ZEB1: variants seen among roughly 807,000 people sequenced by gnomAD.
ZEB1 encodes the protein zinc finger E-box binding homeobox 1.
ZEB1 carries 21 observed loss-of-function variants against 84.9 expected under a neutral mutation model. The observed-to-expected ratio is 0.25, with a 90% CI of 0.18 to 0.36. The LOEUF is 0.36. Ranked by LOEUF, ZEB1 falls within the 10% of genes least tolerant of loss-of-function variation. ZEB1 has a pLI of 1.00. For synonymous variants in ZEB1, 420 were observed against 471.1 expected (o/e 0.89, Z 1.41); for missense variants, 1,104 against 1,330.2 (o/e 0.83, Z 2.65).
chr10:31,459,470 G>A (rs1301610637), intron 1 of ZEB1, among the ~76,000 whole-genome samples: 1 of 151,996 alleles, frequency 6.6e-6, no homozygotes, highest in Non-Finnish European at 1.5e-5. Context: ...TCTTTATGGA[G>A]TGGATTGAGG....
chr10:31,387,166 C>T (rs967075554), intron 1 of ZEB1: 1 of 985,620 alleles, frequency 1.0e-6, no homozygotes, highest in Admixed American at 6.1e-5. Context: ...TAAAGAGGTC[C>T]CTCCTGCACC....
chr10:31,453,674 C>T (rs1204509973), intron 1 of ZEB1, among the ~76,000 whole-genome samples: 2 of 152,090 alleles, frequency 1.3e-5, no homozygotes, highest in Non-Finnish European at 2.9e-5. Flanking sequence ...GGATAAATTC[C>T]TGGACACATA....
At chr10:31,321,269 C>G (rs778994326) in intron 1 of ZEB1, 2 of 1,313,478 alleles carry the variant, frequency 1.5e-6, no homozygotes, top group Non-Finnish European at 1.9e-6. Flanking sequence ...TCCTTCCAAT[C>G]CATAATTATA....
intron 1 of ZEB1, among the ~76,000 whole-genome samples, chr10:31,411,518 G>A (rs1307269588): frequency 6.6e-6 from 1 of 151,812 alleles, no homozygotes; most frequent in African/African-American, 2.4e-5. Context: ...TGTAGTCCCA[G>A]CTACTCGGGA....
At chr10:31,439,263 G>GT (rs1176800201) in intron 1 of ZEB1, among the ~76,000 whole-genome samples, 2 of 151,940 alleles carry the variant, frequency 1.3e-5, no homozygotes, top group Non-Finnish European at 2.9e-5. Flanking sequence ...GACTATTAAG[G>GT]TTTTTTTGTA....
intron 1 of ZEB1, among the ~76,000 whole-genome samples, chr10:31,419,567 A>G (rs1200025828): frequency 6.6e-6 from 1 of 152,136 alleles, no homozygotes; most frequent in East Asian, 1.9e-4. Flanking sequence ...CTCATTCACC[A>G]TTTTGTGGTT....
At chr10:31,348,261 T>G (rs1360558143) in intron 1 of ZEB1, among the ~76,000 whole-genome samples, 2 of 152,100 alleles carry the variant, frequency 1.3e-5, no homozygotes, top group Non-Finnish European at 2.9e-5. Flanking sequence ...GCTCTTCTGG[T>G]TTTTTTAAGA....
At chr10:31,493,004 C>T (rs905380942) in intron 2 of ZEB1, among the ~76,000 whole-genome samples, 1 of 151,846 alleles carries the variant, frequency 6.6e-6, no homozygotes, top group African/African-American at 2.4e-5. Flanking sequence ...CAGTTTCCTC[C>T]AATGGTAACA....
rs888431690 is a variant in ZEB1 at position 31,473,726 on chromosome 10, A to C, written c.259+12489A>C. ...AAAAACTACTTTAAAGTTCATATGG[A>C]ACCAAAAAAGAGCCTGCATCGCCAA... On this transcript the variant is annotated intron_variant, in intron 2 of 8. Coordinates refer to ENST00000424869, the MANE Select transcript of ZEB1 (RefSeq NM_001174096.2). 3.0e-4 allele frequency among the ~76,000 whole-genome samples: 45 copies of C among 150,412 alleles called. 1 individual carries two copies. The highest frequency in any genetic ancestry group is 8.4e-4 in the African/African-American group (34 of 40,644).
chr10:31,527,293 A>T lies in ZEB1; in HGVS notation c.*29A>T. On this transcript the variant is annotated 3_prime_UTR_variant, in exon 9 of 9. Coordinates refer to ENST00000424869, the MANE Select transcript of ZEB1 (RefSeq NM_001174096.2). ...TTTTTCTAGAAGGAAAATAAATTCT[A>T]ATTGATAATGAATTTCGTTCAATAT... The T allele has an allele frequency of 6.4e-7, 1 of 1,574,502 alleles. No individual in the cohort carries two copies. The highest frequency in any genetic ancestry group is 8.6e-7 in the Non-Finnish European group (1 of 1,163,796).
rs2068522942 is a variant in ZEB1 at position 31,503,946 on chromosome 10, A to G, written c.484+1437A>G. On this transcript the variant is annotated intron_variant, in intron 4 of 8. Coordinates refer to ENST00000424869, the MANE Select transcript of ZEB1 (RefSeq NM_001174096.2). ...TTTAAATCTGTTGAATAGTTTGTGT[A>G]TTCTTCATATTAGTCCCTTGTCAGA... is the stretch of plus-strand genomic sequence containing the variant. Among the ~76,000 whole-genome samples, 4 of 143,792 alleles carry G rather than the reference A, an allele frequency of 2.8e-5. No homozygotes were observed. In the South Asian group the frequency reaches 6.2e-4, roughly 22 times the overall value. 94.3% of individuals were successfully genotyped at this position (143,792 alleles called of 152,430 possible). A position where few individuals can be genotyped will look rare whatever the true frequency, so the allele number is the denominator to read the frequency against.
intron 1 of ZEB1, chr10:31,363,036 A>T: frequency 3.3e-6 from 5 of 1,533,618 alleles, no homozygotes; most frequent in Non-Finnish European, 4.4e-6. Flanking sequence ...GTTGCAGGGG[A>T]GGGGTCGGTT....
At chr10:31,438,897 C>T (rs1048631749) in intron 1 of ZEB1, among the ~76,000 whole-genome samples, 1 of 152,174 alleles carries the variant, frequency 6.6e-6, no homozygotes, top group African/African-American at 2.4e-5. Flanking sequence ...TACATACATG[C>T]ATACATAGAG....
intron 1 of ZEB1, among the ~76,000 whole-genome samples, chr10:31,410,106 T>G (rs2135745675): frequency 6.6e-6 from 1 of 152,336 alleles, no homozygotes; most frequent in East Asian, 1.9e-4. Flanking sequence ...AGGGAATGCT[T>G]CTAGCTTTTG....
intron 1 of ZEB1, among the ~76,000 whole-genome samples, chr10:31,404,051 C>T (rs1260394809): frequency 6.6e-6 from 1 of 151,898 alleles, no homozygotes; most frequent in Non-Finnish European, 1.5e-5. Flanking sequence ...TAAATTTTCA[C>T]CAAGTTATAA....
At chr10:31,401,788 A>T (rs959633361) in intron 1 of ZEB1, among the ~76,000 whole-genome samples, 1 of 152,154 alleles carries the variant, frequency 6.6e-6, no homozygotes, top group African/African-American at 2.4e-5. Flanking sequence ...TTTCTGATAT[A>T]TTTTTAACCA....
At chr10:31,450,045 C>T (rs192057420) in intron 1 of ZEB1, among the ~76,000 whole-genome samples, 14 of 152,252 alleles carry the variant, frequency 9.2e-5, no homozygotes, top group Non-Finnish European at 1.5e-5. Context: ...CATGCTCCTA[C>T]TTCTCTATAT....
chr10:31,506,538 C>T (rs866331724), intron 4 of ZEB1, among the ~76,000 whole-genome samples: 12 of 151,916 alleles, frequency 7.9e-5, no homozygotes, highest in Admixed American at 1.3e-4. Context: ...TCCCCTTATA[C>T]TGTTTTGTTT....
At chr10:31,432,158 C>T (rs148017426) in intron 1 of ZEB1, among the ~76,000 whole-genome samples, 50 of 152,250 alleles carry the variant, frequency 3.3e-4, no homozygotes, top group African/African-American at 1.1e-3. Flanking sequence ...CAACACTGTC[C>T]GGTAGAACTT....
Sources: gnomAD v4.1 joint callset for allele counts (sites outside exome capture counted in the v4.1 genomes callset) on GRCh38, gnomAD v4.1.1 for gene constraint, MANE v1.5 for transcripts, NCBI Gene and HGNC (gene_info 2026-07-23, HGNC 2026-07-21) for gene names.